RNF212B: variants seen among roughly 807,000 people sequenced by gnomAD.
The protein encoded by RNF212B is ring finger protein 212B, also known as E3 ubiquitin-protein ligase RNF212B.
In RNF212B, 52 loss-of-function variants were observed where a neutral mutation model predicts 55.5. The ratio of observed to expected loss-of-function variants is 0.94; its 90% confidence interval spans 0.75 to 1.18. RNF212B has a LOEUF of 1.18. RNF212B is among the 50% of genes most tolerant of loss of function. The pLI, the probability that RNF212B is intolerant of heterozygous loss-of-function variation, is 0.00. For missense variants in RNF212B, 289 were observed against 350.4 expected (o/e 0.82, Z 1.40); for synonymous variants, 99 against 121.4 (o/e 0.82, Z 1.21).
chr14:23,218,157 A>G (rs748713337), intron 2 of RNF212B, among the ~76,000 whole-genome samples: 3 of 151,960 alleles, frequency 2.0e-5, no homozygotes, highest in African/African-American at 4.8e-5. Context: ...TCACGAGGTC[A>G]GGAGATCGAG....
intron 14 of RNF212B, among the ~76,000 whole-genome samples, chr14:23,271,313 G>C (rs1043550463): frequency 1.3e-5 from 2 of 151,836 alleles, no homozygotes; most frequent in Non-Finnish European, 2.9e-5. Context: ...TGTGGTGGCG[G>C]GTGCCTGTAA....
intron 2 of RNF212B, among the ~76,000 whole-genome samples, chr14:23,219,477 G>GT (rs149486751): frequency 0.16 from 23,270 of 144,956 alleles, 1,833 homozygotes; most frequent in East Asian, 0.19. Context: ...TCTCCTTCTA[G>GT]TTTTTTTTTT....
chr14:23,270,544 A>C, intron 13 of RNF212B, 56 bp from the exon 14 acceptor site: 1 of 1,265,052 alleles, frequency 7.9e-7, no homozygotes, highest in Non-Finnish European at 1.1e-6. Context: ...CACAAGTAAC[A>C]CTGCCGAGAA....
chr14:23,270,580 T>C lies in RNF212B; in HGVS notation c.773-20T>C. Reference sequence around the variant, plus strand: ...ACTGCCCAAGTAAGTTATCTTTCACTGTTCCATTCTATCCTTCAGCTCAGA... The same window carrying C: ...ACTGCCCAAGTAAGTTATCTTTCACCGTTCCATTCTATCCTTCAGCTCAGA... On this transcript the variant is annotated intron_variant, in intron 13 of 14. Transcript: ENST00000430154. The C allele has an allele frequency of 1.3e-6, 2 of 1,538,068 alleles. No homozygotes were observed. The highest frequency in any genetic ancestry group is 1.8e-6 in the Non-Finnish European group (2 of 1,135,276).
rs760310264 is a variant in RNF212B, at chr14:23,244,342, G to A, written c.174G>A (p.Met58Ile). ...LSDNLKPQEKMFFKSPVETAL... is the reference protein window; with the variant it reads ...LSDNLKPQEKIFFKSPVETAL... ...CGTAGCTGAAGCCTCAGGAGAAGAT[G>A]TTTTTCAAAAGTCCTGTGGAGACAG... Residue 58 changes from methionine to isoleucine, a missense_variant, in exon 4 of 15, where the codon ATG becomes ATA. Transcript: ENST00000430154. The A allele has an allele frequency of 2.7e-5, 41 of 1,545,838 alleles. 1 individual carries two copies. In the South Asian group the frequency reaches 3.7e-4, roughly 14 times the overall value.
intron 2 of RNF212B, among the ~76,000 whole-genome samples, 174 bp from the exon 3 acceptor site, chr14:23,243,082 A>G (rs551626437): frequency 1.5e-4 from 22 of 151,712 alleles, no homozygotes; most frequent in African/African-American, 4.8e-4. Context: ...ACACTTGTTT[A>G]GAGAACAGAG....
chr14:23,234,257 T>G (rs1251420096), upstream of RNF212B, among the ~76,000 whole-genome samples: 6 of 152,142 alleles, frequency 3.9e-5, no homozygotes, highest in Admixed American at 2.0e-4. Context: ...AGGATTTAAG[T>G]TGATTTTTTT....
chr14:23,229,983 C>A, intron 2 of RNF212B: 1 of 205,702 alleles, frequency 4.9e-6, no homozygotes, highest in South Asian at 9.0e-5. Context: ...CTTGAATCTT[C>A]TCCAATGTCT....
chr14:23,261,822 G>A (rs530402950), intron 7 of RNF212B, among the ~76,000 whole-genome samples: 279 of 152,000 alleles, frequency 1.8e-3, no homozygotes, highest in Non-Finnish European at 3.5e-3. Context: ...AAAATTAGCC[G>A]GGCGTGGTGG....
intron 14 of RNF212B, chr14:23,272,450 A>G (rs539246898): frequency 1.1e-3 from 283 of 258,198 alleles, no homozygotes; most frequent in Non-Finnish European, 1.6e-3. Context: ...ACAAACAAAC[A>G]ACCGAAAATG....
At chr14:23,186,361 GAGA>G (rs1877594715) in intron 1 of RNF212B, among the ~76,000 whole-genome samples, 1 of 122,610 alleles carries the variant, frequency 8.2e-6, no homozygotes, top group Non-Finnish European at 1.8e-5. Flanking sequence ...TTTTTTTTTT[GAGA>G]AGGAGTCTCG....
At chr14:23,260,043 C>G (rs760102526) in intron 6 of RNF212B, 99 bp downstream of exon 6, 1 of 584,494 alleles carries the variant, frequency 1.7e-6, no homozygotes, top group Non-Finnish European at 2.9e-6. Flanking sequence ...TTTTTCTCAT[C>G]ATGGCACACA....
chr14:23,204,927 T>C (rs956701453), intron 2 of RNF212B, among the ~76,000 whole-genome samples: 2 of 152,136 alleles, frequency 1.3e-5, no homozygotes, highest in Non-Finnish European at 2.9e-5. Flanking sequence ...CTTGTAGAGG[T>C]CAACAAGGAC....
chr14:23,219,093 A>C (rs1333323401), intron 2 of RNF212B, among the ~76,000 whole-genome samples: 1 of 152,228 alleles, frequency 6.6e-6, no homozygotes, highest in Non-Finnish European at 1.5e-5. Flanking sequence ...ATTCAGTGAA[A>C]TATCCTTCAA....
At chr14:23,255,847 G>A (rs1031163458) in intron 4 of RNF212B, among the ~76,000 whole-genome samples, 1 of 152,144 alleles carries the variant, frequency 6.6e-6, no homozygotes, top group Non-Finnish European at 1.5e-5. Context: ...CTGTACTGAG[G>A]TACATTACTG....
upstream of RNF212B, among the ~76,000 whole-genome samples, chr14:23,233,775 T>C (rs1305168157): frequency 1.4e-5 from 2 of 142,314 alleles, no homozygotes; most frequent in Non-Finnish European, 1.5e-5. Flanking sequence ...TTCTCAAAAC[T>C]CAACAATAAG....
At chr14:23,244,215 T>TCATTAAA in intron 3 of RNF212B, 107 bp from the exon 4 acceptor site, 1 of 585,096 alleles carries the variant, frequency 1.7e-6, no homozygotes, top group East Asian at 3.0e-5. Context: ...ACAGTGGAGA[T>TCATTAAA]AATGTCAGGT....
At chr14:23,266,013 G>A (rs1885665839) in intron 11 of RNF212B, among the ~76,000 whole-genome samples, 1 of 152,194 alleles carries the variant, frequency 6.6e-6, no homozygotes, top group South Asian at 2.1e-4. Context: ...GTCTCACTCT[G>A]TTGCCCAGAC....
chr14:23,262,866 G>T, intron 8 of RNF212B, 62 bp from the exon 9 acceptor site: 1 of 1,507,116 alleles, frequency 6.6e-7, no homozygotes, highest in Non-Finnish European at 9.0e-7. Flanking sequence ...CAACAAATTG[G>T]CCAGGCAAGG....
Sources: gnomAD v4.1 joint callset for allele counts (sites outside exome capture counted in the v4.1 genomes callset) on GRCh38, gnomAD v4.1.1 for gene constraint, MANE v1.5 for transcripts, NCBI Gene and HGNC (gene_info 2026-07-23, HGNC 2026-07-21) for gene names.